The following RASA3 variants were observed in gnomAD, a reference collection of about 807,000 sequenced individuals.
RASA3 encodes the protein ras GTPase-activating protein 3.
A neutral mutation model predicts 110.0 loss-of-function variants in RASA3; 73 were observed. The observed-to-expected ratio is 0.66, with a 90% CI of 0.55 to 0.81. The LOEUF (loss-of-function observed/expected upper bound fraction) is 0.81. RASA3 is among the 30% of genes least tolerant of loss of function. The pLI, the probability that RASA3 is intolerant of heterozygous loss-of-function variation, is 0.00. For synonymous variants in RASA3, 500 were observed against 451.4 expected, an observed-to-expected ratio of 1.11 and a Z score of -1.37; for missense variants, 976 against 1,113.2, an observed-to-expected ratio of 0.88 and a Z score of 1.75.
At position 114,111,848 on chromosome 13, in the gene RASA3, T is replaced by C. The variant is rs143746267; in HGVS notation, c.55+20587A>G. Among the ~76,000 whole-genome samples the C allele has an allele frequency of 2.5e-3, 382 of 152,288 alleles. 2 individuals are homozygous for C. The highest frequency in any genetic ancestry group is 9.0e-3 in the African/African-American group (372 of 41,550). Reference sequence around the variant, plus strand: ...GAGTTAGGACATCCCCAGCTGCAATTTGAGCAAAGACGGCGCTTCCAGAGG... The same window carrying C: ...GAGTTAGGACATCCCCAGCTGCAATCTGAGCAAAGACGGCGCTTCCAGAGG... On this transcript the variant is annotated intron_variant, in intron 1 of 23. Transcript: ENST00000334062.
chr13:114,065,494 TCA>T lies in RASA3; in HGVS notation c.173+8224_173+8225del, dbSNP rs2079431244. Reference sequence around the variant, plus strand: ...CTGGGCTGAGCTCTGCGGTCCTGAGTCACTGCCTGACTCATCCTCAGAGGCGC... The same window carrying T: ...CTGGGCTGAGCTCTGCGGTCCTGAGTCTGCCTGACTCATCCTCAGAGGCGC... On this transcript the variant is annotated intron_variant, in intron 2 of 23. Transcript: ENST00000334062. The surrounding 1 kb of genome is among the most constrained non-coding windows in gnomAD (Gnocchi z 4.1). Among the ~76,000 whole-genome samples, 1 of 151,824 alleles carries T rather than the reference TCA, an allele frequency of 6.6e-6. No homozygotes were observed. Among genetic ancestry groups the T allele is most frequent in the African/African-American group, 2.4e-5 (1 of 41,262 alleles).
At chr13:114,031,805 G>C (rs4883662) in intron 4 of RASA3, among the ~76,000 whole-genome samples, 150,994 of 152,344 alleles carry the variant, frequency 0.99, 74,838 homozygotes, top group Middle Eastern at 1. Context: ...AGGCCAAGGC[G>C]TGTTCCCCAG....
At chr13:114,073,265 C>T (rs2079606385) in intron 2 of RASA3, among the ~76,000 whole-genome samples, 4 of 144,324 alleles carry the variant, frequency 2.8e-5, no homozygotes, top group South Asian at 2.2e-4. Context: ...GAAAACGGGA[C>T]GGTGATGTAC....
At position 114,078,576 on chromosome 13, in the gene RASA3, A is replaced by G. The variant is rs142687863; in HGVS notation, c.56-4739T>C. On this transcript the variant is annotated intron_variant, in intron 1 of 23. Transcript: ENST00000334062. Reference sequence around the variant, plus strand: ...GAAGACAGCCAACACAGCACCTCGCATCGGCTCTGAAAACTCAACTAACAG... The same window carrying G: ...GAAGACAGCCAACACAGCACCTCGCGTCGGCTCTGAAAACTCAACTAACAG... Among the ~76,000 whole-genome samples the G allele has an allele frequency of 8.5e-3, 1,293 of 152,346 alleles. 24 individuals are homozygous for G. Among genetic ancestry groups the G allele is most frequent in the African/African-American group, 0.029 (1,211 of 41,574 alleles).
intron 3 of RASA3, among the ~76,000 whole-genome samples, chr13:114,050,912 C>T (rs2079133847): frequency 6.6e-6 from 1 of 152,218 alleles, no homozygotes; most frequent in Non-Finnish European, 1.5e-5. Flanking sequence ...GATCCTGGTC[C>T]ATGGCTCACA....
intron 4 of RASA3, among the ~76,000 whole-genome samples, chr13:114,032,854 C>T (rs2054198512): frequency 8.5e-6 from 1 of 117,810 alleles, no homozygotes; most frequent in Non-Finnish European, 1.8e-5. Context: ...ATACCACGTT[C>T]CACGGCACCC....
intron 1 of RASA3, among the ~76,000 whole-genome samples, chr13:114,089,291 C>CGGGGAGGAGG (rs2079860700): frequency 3.9e-5 from 1 of 25,598 alleles, no homozygotes; most frequent in African/African-American, 1.5e-4. Flanking sequence ...GGGAGACGAG[C>CGGGGAGGAGG]GGGGAGGAGG....
chr13:114,079,842 C>G (rs1300658029), intron 1 of RASA3, among the ~76,000 whole-genome samples: 2 of 152,136 alleles, frequency 1.3e-5, no homozygotes, highest in African/African-American at 4.8e-5. Flanking sequence ...GGCCTCCCCA[C>G]CCGGCACCCT....
At chr13:114,026,057 G>A (rs1594344486) in intron 7 of RASA3, among the ~76,000 whole-genome samples, 1 of 152,240 alleles carries the variant, frequency 6.6e-6, no homozygotes, top group East Asian at 1.9e-4. Flanking sequence ...TGGTGACGCA[G>A]ACCATGGTTT....
intron 2 of RASA3, among the ~76,000 whole-genome samples, chr13:114,063,284 A>G (rs2079392171): frequency 6.6e-6 from 1 of 151,468 alleles, no homozygotes; most frequent in Non-Finnish European, 1.5e-5. Flanking sequence ...CCAAAAATAT[A>G]AAATAGAATA....
intron 14 of RASA3, 71 bp downstream of exon 14, chr13:114,015,138 C>A: frequency 6.3e-7 from 1 of 1,584,844 alleles, no homozygotes. Context: ...GGGGGTTCTG[C>A]CTGGGTGGGA....
At chr13:114,066,432 G>T (rs2079451200) in intron 2 of RASA3, among the ~76,000 whole-genome samples, 1 of 152,208 alleles carries the variant, frequency 6.6e-6, no homozygotes, top group South Asian at 2.1e-4. Flanking sequence ...AGGAGGCCCG[G>T]GCAGGAGGGA....
At chr13:114,037,267 G>A (rs1210719063) in intron 4 of RASA3, among the ~76,000 whole-genome samples, 4 of 152,232 alleles carry the variant, frequency 2.6e-5, no homozygotes, top group Non-Finnish European at 5.9e-5. Flanking sequence ...TGCACCGACT[G>A]TCACAACAGC....
Position 114,077,785 on chromosome 13 carries a change from C to T in RASA3, c.56-3948G>A, listed in dbSNP as rs564384476. 2.2e-3 allele frequency: 2,150 copies of T among 976,852 alleles called. 6 individuals carry two copies. Among genetic ancestry groups the T allele is most frequent in the Non-Finnish European group, 2.5e-3 (2,042 of 822,470 alleles). The allele number at this position is 976,852 out of a possible 1,614,324, so 60.5% of individuals were successfully genotyped here. A position where few individuals can be genotyped will look rare whatever the true frequency, so the allele number is the denominator to read the frequency against. ...CACACCAGGTTCCTCCCTCCCCGCCCGATGGCCCCGTCTTTACCTCCTTCT... is the reference window on the plus strand; with the variant it reads ...CACACCAGGTTCCTCCCTCCCCGCCTGATGGCCCCGTCTTTACCTCCTTCT... On this transcript the variant is annotated intron_variant, in intron 1 of 23. Coordinates refer to ENST00000334062, the MANE Select transcript of RASA3 (RefSeq NM_007368.4).
At chr13:114,015,394 A>G (rs2053767594) in intron 13 of RASA3, 62 bp from the exon 14 acceptor site, 3 of 1,592,826 alleles carry the variant, frequency 1.9e-6, no homozygotes, top group East Asian at 4.5e-5. Flanking sequence ...GTGTAGCACC[A>G]GGGCACGCCC....
At chr13:114,004,400 A>C (rs1387840973) in intron 18 of RASA3, among the ~76,000 whole-genome samples, 1 of 151,608 alleles carries the variant, frequency 6.6e-6, no homozygotes, top group Non-Finnish European at 1.5e-5. Flanking sequence ...AAAATTTAAA[A>C]GTGGCCAAAG....
intron 23 of RASA3, among the ~76,000 whole-genome samples, chr13:113,980,161 C>T (rs925593036): frequency 1.4e-5 from 2 of 145,274 alleles, no homozygotes; most frequent in African/African-American, 5.2e-5. Flanking sequence ...GTGCACACCT[C>T]CTCCCACGTG....
chr13:114,080,077 G>A (rs571886859), intron 1 of RASA3, among the ~76,000 whole-genome samples: 24 of 152,230 alleles, frequency 1.6e-4, no homozygotes, highest in Non-Finnish European at 2.6e-4. Flanking sequence ...CCTCTGGGCC[G>A]AGTCGAGGGC....
intron 1 of RASA3, among the ~76,000 whole-genome samples, chr13:114,077,400 C>T (rs2079703958): frequency 6.7e-6 from 1 of 150,154 alleles, no homozygotes; most frequent in South Asian, 2.1e-4. Flanking sequence ...GCACCCAATT[C>T]ATCCCTCCGT....
Sources: gnomAD v4.1 joint callset for allele counts (sites outside exome capture counted in the v4.1 genomes callset) on GRCh38, gnomAD v4.1.1 for gene constraint, Gnocchi (gnomAD v3.1) non-coding constraint, MANE v1.5 for transcripts, NCBI Gene and HGNC (gene_info 2026-07-23, HGNC 2026-07-21) for gene names.